Variants in LPGAT1 observed in about 807,000 individuals in gnomAD.
LPGAT1 encodes the protein lysophosphatidylglycerol acyltransferase 1, also known as acyl-CoA:lysophosphatidylglycerol acyltransferase 1.
A neutral mutation model predicts 47.5 loss-of-function variants in LPGAT1; 11 were observed. The ratio of observed to expected loss-of-function variants is 0.23; its 90% confidence interval spans 0.15 to 0.38. The LOEUF is 0.38. Among genes scored for constraint, LPGAT1 ranks in the 10% least tolerant of loss-of-function variants. The probability of loss-of-function intolerance (pLI) is 1.00; values close to 1 mark genes in which losing one functional copy is unlikely to be tolerated. For missense variants in LPGAT1, 293 were observed against 439.0 expected, an observed-to-expected ratio of 0.67 and a Z score of 2.97; for synonymous variants, 138 against 144.2, an observed-to-expected ratio of 0.96 and a Z score of 0.31.
At chr1:211,784,801 TTTC>T (rs1469290617) in intron 4 of LPGAT1, among the ~76,000 whole-genome samples, 5 of 130,714 alleles carry the variant, frequency 3.8e-5, no homozygotes, top group East Asian at 8.2e-4. Context: ...ACAAAGGTTC[TTTC>T]TTTTTTTTTT....
rs554419129 is a variant in LPGAT1, at chr1:211,753,986, A to C, written c.855-2919T>G. Reference sequence around the variant, plus strand: ...AAACATCCTCTGATTTCCTGCTTAGAGAGTGAAGGCCCGATTGCTAGCTTT... The same window carrying C: ...AAACATCCTCTGATTTCCTGCTTAGCGAGTGAAGGCCCGATTGCTAGCTTT... On this transcript the variant is annotated intron_variant, in intron 6 of 7. Transcript: ENST00000366997. Among the ~76,000 whole-genome samples, 5 of 152,302 alleles carry C rather than the reference A, an allele frequency of 3.3e-5. No individual in the cohort carries two copies. In the South Asian group the frequency reaches 1.0e-3, roughly 32 times the overall value.
intron 2 of LPGAT1, among the ~76,000 whole-genome samples, chr1:211,802,041 T>C (rs142801172): frequency 1.2e-3 from 173 of 148,480 alleles, no homozygotes; most frequent in African/African-American, 3.8e-3. Flanking sequence ...TGAGCCAAGA[T>C]TGCACCACTG....
chr1:211,775,147 T>C (rs1658344813), intron 6 of LPGAT1, among the ~76,000 whole-genome samples: 1 of 152,096 alleles, frequency 6.6e-6, no homozygotes, highest in Non-Finnish European at 1.5e-5. Context: ...TGAAAGTAAA[T>C]GTATTATAGA....
At chr1:211,806,893 G>A (rs1037551097) in intron 2 of LPGAT1, among the ~76,000 whole-genome samples, 3 of 152,042 alleles carry the variant, frequency 2.0e-5, no homozygotes, top group Admixed American at 1.3e-4. Flanking sequence ...AGGCAGAGAT[G>A]TCCACTCTCA....
At chr1:211,773,988 TTTCTC>T (rs1229352243) in intron 6 of LPGAT1, among the ~76,000 whole-genome samples, 1 of 152,140 alleles carries the variant, frequency 6.6e-6, no homozygotes, top group African/African-American at 2.4e-5. Flanking sequence ...AAAAGCATCT[TTTCTC>T]TTAAAGTAAT....
intron 5 of LPGAT1, among the ~76,000 whole-genome samples, chr1:211,780,449 A>C (rs1317768031): frequency 6.6e-6 from 1 of 152,198 alleles, no homozygotes; most frequent in African/African-American, 2.4e-5. Flanking sequence ...TTAGAGTATA[A>C]TGGTCCATTC....
At chr1:211,819,328 A>T (rs1660282690) in intron 2 of LPGAT1, among the ~76,000 whole-genome samples, 1 of 152,150 alleles carries the variant, frequency 6.6e-6, no homozygotes, top group South Asian at 2.1e-4. Context: ...CCCCATCTCT[A>T]CAAGAAAATT....
chr1:211,788,057 A>T (rs973982749), intron 3 of LPGAT1, among the ~76,000 whole-genome samples: 2 of 152,098 alleles, frequency 1.3e-5, no homozygotes, highest in African/African-American at 2.4e-5. Context: ...TATAACTTAC[A>T]AAATTATTTT....
chr1:211,813,593 T>TA lies in LPGAT1; in HGVS notation c.238+15465dup, dbSNP rs543326816. Among the ~76,000 whole-genome samples, 46 of 152,274 alleles carry TA rather than the reference T, an allele frequency of 3.0e-4. 1 individual carries two copies. In the South Asian group the frequency reaches 8.9e-3, roughly 30 times the overall value. Reference sequence around the variant, plus strand: ...AAAATTTTATTGACAAAATTCAAAATAAAAAATTAATAATAATTGAATACA... The same window carrying TA: ...AAAATTTTATTGACAAAATTCAAAATAAAAAAATTAATAATAATTGAATACA... On this transcript the variant is annotated intron_variant, in intron 2 of 7. Transcript: ENST00000366997.
chr1:211,793,709 A>G (rs1409224720), intron 2 of LPGAT1, among the ~76,000 whole-genome samples: 2 of 152,224 alleles, frequency 1.3e-5, no homozygotes, highest in Non-Finnish European at 2.9e-5. Context: ...CTGAGATTAC[A>G]GGCGTGAGCC....
Position 211,829,074 on chromosome 1 carries a change from A to G in LPGAT1, c.223T>C (p.Tyr75His). 1 of 1,614,198 alleles carries G rather than the reference A, an allele frequency of 6.2e-7. No homozygotes were observed. Among genetic ancestry groups the G allele is most frequent in the Non-Finnish European group, 8.5e-7 (1 of 1,180,026 alleles). ...LLGMVASWGW[Y>H]AGYTVMEWGE... ...TCACTCTTACCTGTATATCCAGCAT[A>G]CCATCCCCAGGAAGCTACCATTCCT... is the stretch of plus-strand genomic sequence containing the variant. Residue 75 changes from tyrosine to histidine, a missense_variant, in exon 2 of 8, where the codon TAT (tyrosine) becomes CAT (histidine). Physicochemically the swap from Tyr to His is moderately conservative, Grantham distance 83 (BLOSUM62 2). Coordinates refer to ENST00000366997, the MANE Select transcript of LPGAT1 (RefSeq NM_014873.3).
intron 2 of LPGAT1, among the ~76,000 whole-genome samples, chr1:211,797,311 CTT>C (rs200601647): frequency 1.6e-4 from 20 of 122,626 alleles, no homozygotes; most frequent in Admixed American, 4.4e-4. Context: ...CTTTCCTTTT[CTT>C]TTTTTTTTTT....
chr1:211,830,413 C>T lies in LPGAT1; in HGVS notation c.-28+160G>A, dbSNP rs910077382. 7 of 1,174,020 alleles carry T rather than the reference C, an allele frequency of 6.0e-6. No individual in the cohort carries two copies. Among genetic ancestry groups the T allele is most frequent in the Admixed American group, 9.1e-5 (2 of 21,934 alleles). The allele number at this position is 1,174,020 out of a possible 1,614,324, so 72.7% of individuals were successfully genotyped here. On this transcript the variant is annotated intron_variant, in intron 1 of 7. Coordinates refer to ENST00000366997, the MANE Select transcript of LPGAT1 (RefSeq NM_014873.3). This position sits in a 1 kb window ranked among gnomAD's most constrained non-coding sequence, Gnocchi z 5.9. ...CGGGGAGGCGGGCGGATGCCCCGCG[C>T]CCCCGCCTCCTCCCCGGGGCCTACC...
intron 2 of LPGAT1, among the ~76,000 whole-genome samples, chr1:211,794,273 G>A (rs1659259305): frequency 6.6e-6 from 1 of 152,148 alleles, no homozygotes; most frequent in Admixed American, 6.5e-5. Flanking sequence ...GTATTTCTAT[G>A]TAGTTATGCC....
intron 2 of LPGAT1, among the ~76,000 whole-genome samples, chr1:211,825,535 A>G (rs1157404137): frequency 6.6e-6 from 1 of 152,208 alleles, no homozygotes; most frequent in East Asian, 1.9e-4. Context: ...CCTAGATCCA[A>G]ATAAAGCATG....
At chr1:211,750,809 G>A (rs1468930458) in intron 7 of LPGAT1, 152 bp downstream of exon 7, 1 of 607,678 alleles carries the variant, frequency 1.6e-6, no homozygotes, top group East Asian at 2.8e-5. Context: ...TAATCCCCAG[G>A]GTAAGCTGAT....
intron 6 of LPGAT1, among the ~76,000 whole-genome samples, chr1:211,751,583 G>A (rs1373364156): frequency 6.6e-6 from 1 of 152,082 alleles, no homozygotes; most frequent in Non-Finnish European, 1.5e-5. Context: ...TTACCGGTTG[G>A]GAGTGGCTAC....
chr1:211,805,195 A>C (rs914248545), intron 2 of LPGAT1, among the ~76,000 whole-genome samples: 1 of 152,100 alleles, frequency 6.6e-6, no homozygotes, highest in Non-Finnish European at 1.5e-5. Context: ...TTAATTTTTA[A>C]CCACAAAAAA....
intron 2 of LPGAT1, among the ~76,000 whole-genome samples, chr1:211,822,595 G>A (rs1660398207): frequency 6.6e-6 from 1 of 151,862 alleles, no homozygotes; most frequent in Non-Finnish European, 1.5e-5. Flanking sequence ...TGGCAAACAT[G>A]GTGAAACCCC....
Sources: gnomAD v4.1 joint callset for allele counts (sites outside exome capture counted in the v4.1 genomes callset) on GRCh38, gnomAD v4.1.1 for gene constraint, Gnocchi (gnomAD v3.1) non-coding constraint, MANE v1.5 for transcripts, NCBI Gene and HGNC (gene_info 2026-07-23, HGNC 2026-07-21) for gene names.